The following SORCS3 variants were observed in gnomAD, a reference collection of about 807,000 sequenced individuals.
The protein encoded by SORCS3 is VPS10 domain-containing receptor SorCS3.
A neutral mutation model predicts 146.3 loss-of-function variants in SORCS3; 57 were observed. That is an observed-to-expected ratio of 0.39 (90% CI 0.31 to 0.49). The LOEUF is 0.49. Among genes scored for constraint, SORCS3 ranks in the 20% least tolerant of loss-of-function variants. SORCS3 has a pLI of 0.92. For synonymous variants in SORCS3, 653 were observed against 618.5 expected, an observed-to-expected ratio of 1.06 and a Z score of -0.83; for missense variants, 1,341 against 1,575.5, an observed-to-expected ratio of 0.85 and a Z score of 2.52.
chr10:104,659,264 A>G (rs1461901495), intron 1 of SORCS3, among the ~76,000 whole-genome samples: 2 of 152,190 alleles, frequency 1.3e-5, no homozygotes, highest in African/African-American at 4.8e-5. Flanking sequence ...TTCAGAGACA[A>G]TATTTAGAGC....
intron 1 of SORCS3, among the ~76,000 whole-genome samples, chr10:104,805,799 T>C (rs4918128): frequency 0.37 from 56,035 of 152,040 alleles, 11,188 homozygotes; most frequent in East Asian, 0.66. Context: ...TGGTTCCAGG[T>C]TTCCTCTCTT....
At chr10:105,240,632 C>T (rs530932321) in intron 20 of SORCS3, among the ~76,000 whole-genome samples, 5 of 152,104 alleles carry the variant, frequency 3.3e-5, no homozygotes, top group Admixed American at 1.3e-4. Flanking sequence ...AATCATTAAC[C>T]GTAGTTGAAT....
At chr10:105,051,818 C>T (rs1261431374) in intron 5 of SORCS3, among the ~76,000 whole-genome samples, 1 of 152,116 alleles carries the variant, frequency 6.6e-6, no homozygotes, top group East Asian at 1.9e-4. Flanking sequence ...CTCTCCTTTA[C>T]ATTTTTAAAA....
At chr10:104,842,550 T>C (rs1184801903) in intron 1 of SORCS3, among the ~76,000 whole-genome samples, 4 of 152,214 alleles carry the variant, frequency 2.6e-5, no homozygotes. Context: ...GTTGGCATGT[T>C]TTATTTCAAA....
intron 5 of SORCS3, among the ~76,000 whole-genome samples, chr10:105,046,489 A>G (rs1302647622): frequency 6.6e-6 from 1 of 152,128 alleles, no homozygotes; most frequent in African/African-American, 2.4e-5. Flanking sequence ...CACAGCAGAA[A>G]GAACGAACCC....
chr10:105,091,906 G>T (rs1255353905), intron 6 of SORCS3, among the ~76,000 whole-genome samples: 5 of 152,244 alleles, frequency 3.3e-5, no homozygotes, highest in African/African-American at 1.2e-4. Flanking sequence ...CATGGGTTTT[G>T]CCTCCTAAGT....
chr10:104,804,189 C>T (rs2017656791), intron 1 of SORCS3, among the ~76,000 whole-genome samples: 2 of 152,220 alleles, frequency 1.3e-5, no homozygotes, highest in African/African-American at 2.4e-5. Context: ...AGAAGATGAG[C>T]ATCTCTAGAA....
At chr10:104,982,207 C>T (rs2054935377) in intron 4 of SORCS3, among the ~76,000 whole-genome samples, 1 of 152,064 alleles carries the variant, frequency 6.6e-6, no homozygotes, top group African/African-American at 2.4e-5. Context: ...GGTGCTTGTC[C>T]CACGCAGGCT....
At chr10:104,915,589 T>C (rs1309110602) in intron 2 of SORCS3, among the ~76,000 whole-genome samples, 1 of 151,996 alleles carries the variant, frequency 6.6e-6, no homozygotes, top group Non-Finnish European at 1.5e-5. Context: ...CCAAACAACT[T>C]CACAAAGGGC....
intron 1 of SORCS3, among the ~76,000 whole-genome samples, chr10:104,805,024 A>C (rs2017665469): frequency 6.6e-6 from 1 of 152,214 alleles, no homozygotes; most frequent in Non-Finnish European, 1.5e-5. Context: ...GTTGATTCTC[A>C]GATATTGCAT....
intron 2 of SORCS3, among the ~76,000 whole-genome samples, chr10:104,844,348 A>C (rs1223290698): frequency 6.6e-6 from 1 of 152,076 alleles, no homozygotes; most frequent in Non-Finnish European, 1.5e-5. Flanking sequence ...ATCATGAAAC[A>C]AGCCAGAAAA....
intron 20 of SORCS3, among the ~76,000 whole-genome samples, chr10:105,240,494 T>C (rs2056815907): frequency 6.6e-6 from 1 of 152,226 alleles, no homozygotes; most frequent in Non-Finnish European, 1.5e-5. Flanking sequence ...GTATTTGCTA[T>C]GCTTGTTCTA....
intron 2 of SORCS3, among the ~76,000 whole-genome samples, chr10:104,888,783 T>C (rs1181668466): frequency 1.3e-5 from 2 of 152,216 alleles, no homozygotes; most frequent in Non-Finnish European, 2.9e-5. Context: ...AGGATCTATG[T>C]TACACAGGTG....
chr10:105,255,296 G>C (rs2056924634), intron 23 of SORCS3, among the ~76,000 whole-genome samples: 1 of 152,026 alleles, frequency 6.6e-6, no homozygotes, highest in Non-Finnish European at 1.5e-5. Context: ...CACAGGAAGG[G>C]GAACATCACA....
intron 1 of SORCS3, among the ~76,000 whole-genome samples, chr10:104,799,535 G>C: frequency 6.6e-6 from 1 of 152,016 alleles, no homozygotes; most frequent in Middle Eastern, 3.2e-3. Flanking sequence ...CACACACCAG[G>C]GCCTGTTGGG....
intron 2 of SORCS3, among the ~76,000 whole-genome samples, chr10:104,912,835 G>A (rs193017166): frequency 8.6e-4 from 131 of 152,190 alleles, no homozygotes; most frequent in Middle Eastern, 3.4e-3. Flanking sequence ...ATAGAAATGC[G>A]TACAAGATAG....
chr10:105,111,680 T>C (rs1336439694), intron 7 of SORCS3, among the ~76,000 whole-genome samples: 2 of 152,250 alleles, frequency 1.3e-5, no homozygotes, highest in Admixed American at 6.5e-5. Flanking sequence ...TTAAATGTAT[T>C]AAAATACATT....
chr10:105,037,531 C>T (rs2055314449), intron 4 of SORCS3, among the ~76,000 whole-genome samples: 1 of 152,170 alleles, frequency 6.6e-6, no homozygotes, highest in Non-Finnish European at 1.5e-5. Flanking sequence ...ATGTCTTAAG[C>T]CATCCTTGGC....
intron 4 of SORCS3, among the ~76,000 whole-genome samples, chr10:104,989,152 T>A (rs1472900430): frequency 2.0e-5 from 3 of 152,252 alleles, no homozygotes; most frequent in Non-Finnish European, 2.9e-5. Flanking sequence ...ATTCATTAAA[T>A]GTAACAAAAG....
Sources: gnomAD v4.1 joint callset for allele counts (sites outside exome capture counted in the v4.1 genomes callset) on GRCh38, gnomAD v4.1.1 for gene constraint, MANE v1.5 for transcripts, NCBI Gene and HGNC (gene_info 2026-07-23, HGNC 2026-07-21) for gene names.